NTAQ1: variants seen among roughly 807,000 people sequenced by gnomAD.
NTAQ1 encodes protein N-terminal glutamine amidohydrolase.
NTAQ1 carries 21 observed loss-of-function variants against 28.2 expected under a neutral mutation model. That is an observed-to-expected ratio of 0.74 (90% CI 0.53 to 1.07). The LOEUF (loss-of-function observed/expected upper bound fraction) is 1.07. NTAQ1 is among the 50% of genes least tolerant of loss of function. The probability of loss-of-function intolerance (pLI) is 0.00; values close to 1 mark genes in which losing one functional copy is unlikely to be tolerated. For missense variants in NTAQ1, 264 were observed against 256.6 expected (o/e 1.03, Z -0.20); for synonymous variants, 105 against 90.0 (o/e 1.17, Z -0.94).
chr8:123,423,416 C>T (rs1305750929), intron 1 of NTAQ1, among the ~76,000 whole-genome samples: 2 of 146,414 alleles, frequency 1.4e-5, no homozygotes, highest in Non-Finnish European at 3.0e-5. Context: ...CCCTCCTTTT[C>T]CTTCTCTTCT....
chr8:123,421,110 A>C (rs1813659253), intron 1 of NTAQ1, among the ~76,000 whole-genome samples: 1 of 145,330 alleles, frequency 6.9e-6, no homozygotes, highest in South Asian at 2.2e-4. Flanking sequence ...TTGAGACAGA[A>C]TCTCACTCTG....
intron 6 of NTAQ1, among the ~76,000 whole-genome samples, chr8:123,461,601 C>T (rs1455726839): frequency 6.6e-6 from 1 of 152,206 alleles, no homozygotes; most frequent in Non-Finnish European, 1.5e-5. Context: ...TAATGACACC[C>T]TAGGTCCTTT....
intron 5 of NTAQ1, among the ~76,000 whole-genome samples, chr8:123,440,873 C>T (rs907187581): frequency 1.3e-5 from 2 of 152,170 alleles, no homozygotes; most frequent in African/African-American, 2.4e-5. Flanking sequence ...CGCTACTGAA[C>T]GCTGCATGTT....
intron 5 of NTAQ1, among the ~76,000 whole-genome samples, chr8:123,438,394 G>A (rs1814850755): frequency 6.6e-6 from 1 of 152,110 alleles, no homozygotes; most frequent in South Asian, 2.1e-4. Flanking sequence ...GGTGGCTTAT[G>A]CCTGTAATCC....
exon 7 of NTAQ1, among the ~76,000 whole-genome samples, chr8:123,468,890 T>C (rs949175965): frequency 8.5e-5 from 13 of 152,236 alleles, no homozygotes; most frequent in South Asian, 2.1e-4. Context: ...ACAGTCTCCC[T>C]TCTTTCTTTT....
chr8:123,421,028 G>T (rs1030686102), intron 1 of NTAQ1, among the ~76,000 whole-genome samples: 1 of 150,330 alleles, frequency 6.7e-6, no homozygotes, highest in Non-Finnish European at 1.5e-5. Flanking sequence ...CTCTTGGTCT[G>T]CCTGCCTCGG....
At chr8:123,427,877 C>A in intron 1 of NTAQ1, 47 bp from the exon 2 acceptor site, 1 of 1,463,940 alleles carries the variant, frequency 6.8e-7, no homozygotes, top group Non-Finnish European at 9.4e-7. Flanking sequence ...ATTTAAAAGA[C>A]ACATAGAATG....
At chr8:123,439,774 G>A (rs1814937793) in intron 5 of NTAQ1, among the ~76,000 whole-genome samples, 1 of 151,672 alleles carries the variant, frequency 6.6e-6, no homozygotes, top group South Asian at 2.1e-4. Flanking sequence ...ACAGGGGTGA[G>A]CCACTGTGCC....
intron 1 of NTAQ1, among the ~76,000 whole-genome samples, chr8:123,421,096 T>C (rs946103372): frequency 1.3e-3 from 1 of 798 alleles, no homozygotes; most frequent in Admixed American, 0.014. Flanking sequence ...ATTTATTCAT[T>C]TTTTTGAGAC....
chr8:123,423,640 T>C (rs1813863669), intron 1 of NTAQ1, among the ~76,000 whole-genome samples: 1 of 152,100 alleles, frequency 6.6e-6, no homozygotes. Flanking sequence ...CCCTTTTTTT[T>C]AACATTGAAA....
chr8:123,447,775 G>GA (rs1487214002), intron 6 of NTAQ1, among the ~76,000 whole-genome samples: 2 of 151,438 alleles, frequency 1.3e-5, no homozygotes, highest in Non-Finnish European at 2.9e-5. Flanking sequence ...GTATATGGCA[G>GA]AAAAAAATAA....
chr8:123,430,096 T>G, intron 3 of NTAQ1, 63 bp downstream of exon 3: 1 of 1,377,146 alleles, frequency 7.3e-7, no homozygotes, highest in Non-Finnish European at 1.0e-6. Flanking sequence ...GTGTTCTGTA[T>G]GTTTTGGTAA....
intron 6 of NTAQ1, among the ~76,000 whole-genome samples, chr8:123,461,462 C>T (rs960651791): frequency 6.6e-6 from 1 of 152,220 alleles, no homozygotes; most frequent in South Asian, 2.1e-4. Context: ...ATAATATCTA[C>T]ACCCCGAGAG....
intron 1 of NTAQ1, among the ~76,000 whole-genome samples, chr8:123,427,168 T>G (rs1165601928): frequency 6.6e-6 from 1 of 151,978 alleles, no homozygotes; most frequent in East Asian, 1.9e-4. Context: ...ACTAAGATTT[T>G]TGTGTGTTTA....
intron 6 of NTAQ1, among the ~76,000 whole-genome samples, chr8:123,465,552 C>CT (rs1815940076): frequency 1.7e-5 from 2 of 120,864 alleles, no homozygotes; most frequent in Admixed American, 1.7e-4. Flanking sequence ...TTTGAGATTG[C>CT]TTTTTTCACT....
At chr8:123,432,065 G>T (rs1032274950) in intron 3 of NTAQ1, among the ~76,000 whole-genome samples, 39 of 152,158 alleles carry the variant, frequency 2.6e-4, no homozygotes, top group African/African-American at 9.4e-4. Context: ...CCTCTGGCAG[G>T]TTTTGCTTTG....
At chr8:123,425,704 T>A (rs1236368704) in intron 1 of NTAQ1, among the ~76,000 whole-genome samples, 1 of 152,076 alleles carries the variant, frequency 6.6e-6, no homozygotes, top group Non-Finnish European at 1.5e-5. Context: ...TTAGGTAGCA[T>A]GGCGTGGATG....
exon 7 of NTAQ1, chr8:123,467,264 G>A (rs1815980903): frequency 6.6e-6 from 1 of 151,884 alleles, no homozygotes; most frequent in African/African-American, 2.4e-5. Flanking sequence ...TTGAACTCCT[G>A]GCCTCAAGTG....
intron 6 of NTAQ1, among the ~76,000 whole-genome samples, chr8:123,460,997 C>T (rs1262212982): frequency 6.6e-6 from 1 of 152,182 alleles, no homozygotes; most frequent in East Asian, 1.9e-4. Flanking sequence ...TGTATTCCTC[C>T]GTACAGTGTT....
Sources: allele counts gnomAD v4.1 joint callset (sites outside exome capture counted in the v4.1 genomes callset), GRCh38; gene constraint gnomAD v4.1.1; transcripts MANE v1.5; gene names NCBI Gene and HGNC (gene_info 2026-07-23, HGNC 2026-07-21).